Variants in DGKI observed in about 807,000 individuals in gnomAD.
DGKI encodes diacylglycerol kinase iota.
In DGKI, 55 loss-of-function variants were observed where a neutral mutation model predicts 147.5. That is an observed-to-expected ratio of 0.37 (90% CI 0.30 to 0.47). The LOEUF (loss-of-function observed/expected upper bound fraction) is 0.47, where lower values mean the gene tolerates loss of function less well. Ranked by LOEUF, DGKI falls within the 20% of genes least tolerant of loss-of-function variation. The pLI is 1.00. For synonymous variants in DGKI, 469 were observed against 477.1 expected, an observed-to-expected ratio of 0.98 and a Z score of 0.22; for missense variants, 1,007 against 1,323.8, an observed-to-expected ratio of 0.76 and a Z score of 3.71.
chr7:137,429,725 C>A (rs1812982370), intron 28 of DGKI, among the ~76,000 whole-genome samples: 1 of 145,446 alleles, frequency 6.9e-6, no homozygotes, highest in Non-Finnish European at 1.5e-5. Flanking sequence ...CAAACAACCC[C>A]ATCAAAAAGT....
chr7:137,561,163 T>C (rs557680024), intron 19 of DGKI, among the ~76,000 whole-genome samples: 3 of 151,574 alleles, frequency 2.0e-5, no homozygotes, highest in East Asian at 3.9e-4. Flanking sequence ...AGCCAAGATA[T>C]GGAAACTGCC....
intron 26 of DGKI, among the ~76,000 whole-genome samples, chr7:137,464,824 G>A (rs2128925944): frequency 6.6e-6 from 1 of 152,336 alleles, no homozygotes; most frequent in African/African-American, 2.4e-5. Flanking sequence ...TACTGTATGA[G>A]TCTGTGTACA....
chr7:137,838,326 AG>A (rs1175785670), intron 1 of DGKI, among the ~76,000 whole-genome samples: 1 of 152,144 alleles, frequency 6.6e-6, no homozygotes, highest in Non-Finnish European at 1.5e-5. Context: ...AGTCTGAAAG[AG>A]ATTGTCTCAA....
At chr7:137,708,951 G>T (rs1794129767) in intron 1 of DGKI, among the ~76,000 whole-genome samples, 1 of 152,114 alleles carries the variant, frequency 6.6e-6, no homozygotes. Context: ...TTTGAAAAAG[G>T]CATCTATTAT....
At chr7:137,583,253 C>G (rs551853689) in intron 14 of DGKI, among the ~76,000 whole-genome samples, 1 of 152,036 alleles carries the variant, frequency 6.6e-6, no homozygotes, top group Non-Finnish European at 1.5e-5. Flanking sequence ...AATGAAGGAC[C>G]GAGAGAGAAA....
At chr7:137,755,782 A>T (rs1026700346) in intron 1 of DGKI, among the ~76,000 whole-genome samples, 1 of 152,022 alleles carries the variant, frequency 6.6e-6, no homozygotes, top group Non-Finnish European at 1.5e-5. Flanking sequence ...AGGAGAAACA[A>T]CCAACTGCAA....
rs1191370262 is a variant in DGKI, at chr7:137,383,011, A to G, written c.*8209T>C. 1 of 151,886 alleles carries G rather than the reference A, an allele frequency of 6.6e-6. No individual in the cohort carries two copies. Among genetic ancestry groups the G allele is most frequent in the Non-Finnish European group, 1.5e-5 (1 of 67,930 alleles). 9.4% of individuals were successfully genotyped at this position (151,886 alleles called of 1,614,324 possible). A position where few individuals can be genotyped will look rare whatever the true frequency, so the allele number is the denominator to read the frequency against. On this transcript the variant is annotated 3_prime_UTR_variant, in exon 33 of 33. Transcript: ENST00000614521. ...CTTGTTTCATGACACAAAGTTATAG[A>G]AAGTGCCTCCATGCCTCTGTATTGG...
chr7:137,759,516 A>C (rs1795791308), intron 1 of DGKI, among the ~76,000 whole-genome samples: 1 of 151,522 alleles, frequency 6.6e-6, no homozygotes, highest in Admixed American at 6.6e-5. Context: ...TAATTTTTGT[A>C]TTTTTAGTAG....
intron 11 of DGKI, 39 bp downstream of exon 11, chr7:137,599,784 A>G (rs892589820): frequency 1.3e-6 from 2 of 1,590,652 alleles, no homozygotes; most frequent in Non-Finnish European, 8.6e-7. Flanking sequence ...TCACTTGCCT[A>G]AAATACATAT....
intron 21 of DGKI, among the ~76,000 whole-genome samples, chr7:137,505,738 C>G (rs1462838961): frequency 6.7e-6 from 1 of 148,184 alleles, no homozygotes; most frequent in Non-Finnish European, 1.5e-5. Context: ...GACTGGTACC[C>G]AAAAAATACA....
intron 5 of DGKI, among the ~76,000 whole-genome samples, chr7:137,654,334 C>T (rs1822143159): frequency 6.6e-6 from 1 of 152,112 alleles, no homozygotes; most frequent in Non-Finnish European, 1.5e-5. Context: ...CTGTGCTGCC[C>T]CATGAATGGC....
At chr7:137,458,785 T>C (rs1038380214) in intron 27 of DGKI, among the ~76,000 whole-genome samples, 2 of 152,254 alleles carry the variant, frequency 1.3e-5, no homozygotes, top group Admixed American at 1.3e-4. Flanking sequence ...AAATGAAATA[T>C]AGTCTTGTCA....
chr7:137,507,821 T>A (rs1015200910), intron 21 of DGKI, among the ~76,000 whole-genome samples: 18 of 152,124 alleles, frequency 1.2e-4, no homozygotes, highest in African/African-American at 4.3e-4. Context: ...TGGATAGACA[T>A]GTACTCCACG....
chr7:137,690,049 T>A (rs1295165027), intron 1 of DGKI, 47 bp from the exon 2 acceptor site: 2 of 1,349,066 alleles, frequency 1.5e-6, no homozygotes, highest in Non-Finnish European at 2.1e-6. Flanking sequence ...AAAACCAACA[T>A]CAGAATCTCA....
Position 137,469,604 on chromosome 7 carries a change from A to C in DGKI, c.2389T>G (p.Phe797Val). 6.2e-7 allele frequency: 1 copy of C among 1,614,020 alleles called. No individual in the cohort carries two copies. Among genetic ancestry groups the C allele is most frequent in the Non-Finnish European group, 8.5e-7 (1 of 1,179,952 alleles). ...RVHYQDHETS[F>V]PRALSAQRLS... ...CTCTGTGCTGAGAGAGCCCTGGGGA[A>C]GGAGGTTTCATGGTCCTGGAAAGAG... The change falls in exon 24 of 33, where the codon TTC becomes GTC. Residue 797 changes from phenylalanine (F) to valine (V), a missense_variant. Around this residue, in one of 5 missense-constraint regions of DGKI, gnomAD observed 385 missense variants for 445.2 expected, o/e 0.86. Coordinates refer to ENST00000614521, the MANE Select transcript of DGKI (RefSeq NM_001321708.2).
At chr7:137,746,507 T>A (rs776578483) in intron 1 of DGKI, among the ~76,000 whole-genome samples, 1 of 152,048 alleles carries the variant, frequency 6.6e-6, no homozygotes, top group African/African-American at 2.4e-5. Flanking sequence ...TGGAGGAAAA[T>A]GAATTTCCCA....
intron 1 of DGKI, among the ~76,000 whole-genome samples, chr7:137,753,761 G>A (rs949842627): frequency 4.6e-5 from 7 of 152,126 alleles, no homozygotes; most frequent in African/African-American, 1.4e-4. Context: ...AGCAGAAGTC[G>A]CCTCTATTGC....
At chr7:137,585,906 G>C (rs998433073) in intron 13 of DGKI, among the ~76,000 whole-genome samples, 1 of 152,136 alleles carries the variant, frequency 6.6e-6, no homozygotes, top group African/African-American at 2.4e-5. Flanking sequence ...CAGCACGATA[G>C]ACTGTCCTCA....
chr7:137,682,392 T>C (rs542137617), intron 2 of DGKI, among the ~76,000 whole-genome samples: 1 of 152,346 alleles, frequency 6.6e-6, no homozygotes, highest in East Asian at 1.9e-4. Flanking sequence ...CTCACTTTCC[T>C]AGACCCTATT....
Sources: gnomAD v4.1 joint callset for allele counts (sites outside exome capture counted in the v4.1 genomes callset) on GRCh38, gnomAD v4.1.1 for gene constraint, gnomAD v4.1.1 regional missense constraint, MANE v1.5 for transcripts, NCBI Gene and HGNC (gene_info 2026-07-23, HGNC 2026-07-21) for gene names.